FPR3: variants seen among roughly 807,000 people sequenced by gnomAD.
FPR3 encodes formyl peptide receptor 3.
For missense variants in FPR3, 346 were observed against 443.2 expected (o/e 0.78, Z 1.97); for synonymous variants, 135 against 163.6 (o/e 0.83, Z 1.34).
intron 1 of FPR3, among the ~76,000 whole-genome samples, chr19:51,798,824 G>C (rs2084013863): frequency 1.3e-5 from 2 of 152,176 alleles, no homozygotes; most frequent in African/African-American, 4.8e-5. Context: ...AAGATTCTCA[G>C]ATTTTCATGA....
At chr19:51,822,322 T>G (rs1456392375) in intron 1 of FPR3, among the ~76,000 whole-genome samples, 1 of 152,144 alleles carries the variant, frequency 6.6e-6, no homozygotes, top group Non-Finnish European at 1.5e-5. Context: ...TAGAACAAAT[T>G]AGAAAATCAA....
chr19:51,796,950 A>C (rs2084003177), intron 1 of FPR3, among the ~76,000 whole-genome samples: 1 of 152,228 alleles, frequency 6.6e-6, no homozygotes, highest in African/African-American at 2.4e-5. Context: ...AGAATGTGAG[A>C]TACCCCAACA....
chr19:51,805,534 T>A (rs971223677), intron 1 of FPR3, among the ~76,000 whole-genome samples: 3 of 152,222 alleles, frequency 2.0e-5, no homozygotes, highest in African/African-American at 7.2e-5. Context: ...TATTCTAAGT[T>A]GGTTACACAA....
intron 1 of FPR3, among the ~76,000 whole-genome samples, chr19:51,803,082 T>G: frequency 6.9e-6 from 1 of 145,336 alleles, no homozygotes; most frequent in East Asian, 1.9e-4. Flanking sequence ...CCTAGATATT[T>G]AAGTGAGAAA....
chr19:51,819,825 A>C (rs982720660), intron 1 of FPR3, among the ~76,000 whole-genome samples: 1 of 152,192 alleles, frequency 6.6e-6, no homozygotes, highest in African/African-American at 2.4e-5. Context: ...TTTCTTTTTA[A>C]AGGGAAGGGA....
intron 1 of FPR3, among the ~76,000 whole-genome samples, chr19:51,805,725 G>A (rs73579493): frequency 0.031 from 4,729 of 152,218 alleles, 263 homozygotes; most frequent in African/African-American, 0.11. Context: ...TACGTACTGA[G>A]CCGTTTGAAC....
At chr19:51,798,803 C>A (rs1221785478) in intron 1 of FPR3, among the ~76,000 whole-genome samples, 1 of 152,140 alleles carries the variant, frequency 6.6e-6, no homozygotes, top group Non-Finnish European at 1.5e-5. Context: ...GGCTAAATAG[C>A]CCAGGGTGGG....
intron 1 of FPR3, among the ~76,000 whole-genome samples, chr19:51,823,521 C>A (rs1180118981): frequency 6.6e-6 from 1 of 152,090 alleles, no homozygotes. Flanking sequence ...TGGTAATCAG[C>A]TTGATAGGTG....
chr19:51,809,350 T>C (rs1455433795), intron 1 of FPR3, among the ~76,000 whole-genome samples: 1 of 152,236 alleles, frequency 6.6e-6, no homozygotes, highest in Non-Finnish European at 1.5e-5. Flanking sequence ...GGGGGCCAAC[T>C]GTCTTTAGAT....
At chr19:51,796,665 G>C (rs573345302) in intron 1 of FPR3, among the ~76,000 whole-genome samples, 3 of 152,188 alleles carry the variant, frequency 2.0e-5, no homozygotes, top group Non-Finnish European at 4.4e-5. Flanking sequence ...GCGTTGGGTG[G>C]TGAGGAAAAG....
chr19:51,816,450 A>T (rs901278008), intron 1 of FPR3, among the ~76,000 whole-genome samples: 2 of 152,142 alleles, frequency 1.3e-5, no homozygotes, highest in African/African-American at 4.8e-5. Context: ...GTTTTGCCAC[A>T]TTGGCCAGAC....
intron 1 of FPR3, among the ~76,000 whole-genome samples, chr19:51,811,144 GAACTA>G (rs1431911102): frequency 6.6e-6 from 1 of 152,170 alleles, no homozygotes; most frequent in Non-Finnish European, 1.5e-5. Context: ...AGTACAGTAT[GAACTA>G]AACTCCAAGT....
chr19:51,818,308 G>C (rs75409230), intron 1 of FPR3, among the ~76,000 whole-genome samples: 3,904 of 152,216 alleles, frequency 0.026, 160 homozygotes, highest in African/African-American at 0.089. Flanking sequence ...TATTATTGGT[G>C]TTAATTTCCC....
At chr19:51,807,976 C>G (rs1417514162) in intron 1 of FPR3, among the ~76,000 whole-genome samples, 1 of 152,190 alleles carries the variant, frequency 6.6e-6, no homozygotes, top group Non-Finnish European at 1.5e-5. Context: ...ACAGACTAGT[C>G]TATAAACTGG....
In FPR3 at chr19:51,795,259, T is replaced by G. The variant is rs11084121; in HGVS notation, c.-83T>G. The G allele has an allele frequency of 0.8, 122,260 of 152,016 alleles. 49,418 individuals are homozygous for G. Among genetic ancestry groups the G allele is most frequent in the East Asian group, 0.98 (5,060 of 5,164 alleles). 9.4% of individuals were successfully genotyped at this position (152,016 alleles called of 1,614,324 possible). ...AACCAAACATATAACTTCATCTTTT[T>G]ACAAGTACTTAGAGCCTGAGTTGCT... On this transcript the variant is annotated 5_prime_UTR_variant, in exon 1 of 2. Coordinates refer to ENST00000339223, the MANE Select transcript of FPR3 (RefSeq NM_002030.5).
intron 1 of FPR3, among the ~76,000 whole-genome samples, chr19:51,807,224 G>T (rs2084065741): frequency 6.6e-6 from 1 of 150,972 alleles, no homozygotes; most frequent in Non-Finnish European, 1.5e-5. Context: ...AGTGGGGGGG[G>T]TGGTTGCTGG....
At position 51,800,783 on chromosome 19, in the gene FPR3, T is replaced by C. The variant is rs111817319; in HGVS notation, c.-11+5452T>C. ...TCTTTTTTGGTAACAATGTGTAAAG[T>C]GAAAACAGCAGAGTGCTACTCCATA... On this transcript the variant is annotated intron_variant, in intron 1 of 1. Coordinates refer to ENST00000339223, the MANE Select transcript of FPR3 (RefSeq NM_002030.5). Among the ~76,000 whole-genome samples, 1,447 of 152,150 alleles carry C rather than the reference T, an allele frequency of 9.5e-3. 26 individuals are homozygous for C. Among genetic ancestry groups the C allele is most frequent in the African/African-American group, 0.032 (1,345 of 41,482 alleles).
At chr19:51,820,183 CAG>C (rs1350500518) in intron 1 of FPR3, among the ~76,000 whole-genome samples, 1 of 152,150 alleles carries the variant, frequency 6.6e-6, no homozygotes, top group Non-Finnish European at 1.5e-5. Context: ...TTTAATGCAT[CAG>C]AAATCACACG....
Position 51,823,896 on chromosome 19 carries a change from G to A in FPR3, c.148G>A (p.Val50Met). Residue 50 changes from valine (V) to methionine (M), a missense_variant, in exon 2 of 2, where the codon GTG becomes ATG. By Grantham distance (21) the Val-to-Met change is conservative. Coordinates refer to ENST00000339223, the MANE Select transcript of FPR3 (RefSeq NM_002030.5). ...GVLGNGLVIW[V>M]AGFRMTRTVN... The stretch of plus-strand genomic sequence containing the variant: ...CCTGGGCAATGGGCTTGTGATCTGG[G>A]TGGCTGGATTCCGGATGACACGCAC... 6.2e-7 allele frequency: 1 copy of A among 1,614,120 alleles called. No homozygotes were observed. Among genetic ancestry groups the A allele is most frequent in the Non-Finnish European group, 8.5e-7 (1 of 1,180,010 alleles).
Sources: gnomAD v4.1 joint callset for allele counts (sites outside exome capture counted in the v4.1 genomes callset) on GRCh38, gnomAD v4.1.1 for gene constraint, MANE v1.5 for transcripts, NCBI Gene and HGNC (gene_info 2026-07-23, HGNC 2026-07-21) for gene names.